Variants in NELL1 observed in about 807,000 individuals in gnomAD.
The protein encoded by NELL1 is neural EGFL like 1.
A neutral mutation model predicts 107.4 loss-of-function variants in NELL1; 76 were observed. That is an observed-to-expected ratio of 0.71 (90% CI 0.59 to 0.86). NELL1 has a LOEUF of 0.86. Among genes scored for constraint, NELL1 ranks in the 40% least tolerant of loss-of-function variants. The pLI is 0.00. For synonymous variants in NELL1, 353 were observed against 341.2 expected, an observed-to-expected ratio of 1.03 and a Z score of -0.38; for missense variants, 1,024 against 1,005.5, an observed-to-expected ratio of 1.02 and a Z score of -0.25.
intron 14 of NELL1, among the ~76,000 whole-genome samples, chr11:21,279,082 A>C (rs1015655404): frequency 1.3e-5 from 2 of 152,208 alleles, no homozygotes; most frequent in East Asian, 3.8e-4. Context: ...ATGCCAAAAT[A>C]AATTGATAAA....
intron 13 of NELL1, among the ~76,000 whole-genome samples, chr11:21,212,338 T>C (rs1039156224): frequency 3.9e-5 from 6 of 152,184 alleles, no homozygotes; most frequent in South Asian, 2.1e-4. Flanking sequence ...AAAATTCAAA[T>C]TATTATTGCT....
At chr11:21,066,228 G>C (rs1292498429) in intron 12 of NELL1, among the ~76,000 whole-genome samples, 1 of 152,066 alleles carries the variant, frequency 6.6e-6, no homozygotes, top group Non-Finnish European at 1.5e-5. Context: ...GTGTCTCCCT[G>C]TTCTCTTAGT....
chr11:21,022,523 G>C (rs955929098), intron 12 of NELL1, among the ~76,000 whole-genome samples: 2 of 152,092 alleles, frequency 1.3e-5, no homozygotes, highest in African/African-American at 4.8e-5. Flanking sequence ...TGCATCAGTT[G>C]CTTTAATTTT....
chr11:21,095,158 A>AG (rs1276554766), intron 12 of NELL1, among the ~76,000 whole-genome samples: 2 of 152,210 alleles, frequency 1.3e-5, no homozygotes, highest in East Asian at 3.8e-4. Flanking sequence ...TCTCTAGGGC[A>AG]GGGGCAAAAT....
intron 13 of NELL1, among the ~76,000 whole-genome samples, chr11:21,199,795 C>CCA (rs35219787): frequency 6.8e-6 from 1 of 147,668 alleles, no homozygotes; most frequent in Non-Finnish European, 1.5e-5. Context: ...TATCCCTCCC[C>CCA]AGCCCCCCAC....
chr11:21,516,740 T>TAC (rs113449367), intron 15 of NELL1, among the ~76,000 whole-genome samples: 5,894 of 141,920 alleles, frequency 0.042, 288 homozygotes, highest in African/African-American at 0.13. Flanking sequence ...CACACACACA[T>TAC]ACACACACAC....
intron 16 of NELL1, among the ~76,000 whole-genome samples, chr11:21,558,578 G>A (rs1448576159): frequency 6.6e-6 from 1 of 152,060 alleles, no homozygotes; most frequent in South Asian, 2.1e-4. Context: ...TGAAAAGGGA[G>A]GGGACAAGAG....
chr11:20,699,226 C>A (rs1222661837), intron 2 of NELL1, among the ~76,000 whole-genome samples: 6 of 151,370 alleles, frequency 4.0e-5, no homozygotes, highest in African/African-American at 9.7e-5. Flanking sequence ...CAAAAACAAA[C>A]AAAAAAAACA....
intron 14 of NELL1, among the ~76,000 whole-genome samples, chr11:21,360,577 G>T (rs770071197): frequency 6.0e-4 from 92 of 152,204 alleles, no homozygotes; most frequent in African/African-American, 2.0e-3. Context: ...GTCTAGTGCT[G>T]TTAGTGGGGT....
chr11:21,479,151 T>C (rs1854425634), intron 15 of NELL1, among the ~76,000 whole-genome samples: 1 of 152,024 alleles, frequency 6.6e-6, no homozygotes, highest in East Asian at 1.9e-4. Flanking sequence ...AAAGTAAAAA[T>C]TGAGCTACCA....
At chr11:20,819,949 C>T (rs1857713734) in intron 3 of NELL1, among the ~76,000 whole-genome samples, 1 of 152,164 alleles carries the variant, frequency 6.6e-6, no homozygotes, top group Non-Finnish European at 1.5e-5. Context: ...ATTCCTTGAG[C>T]TCCTTTCAGG....
chr11:20,997,689 T>G (rs1014596450), intron 12 of NELL1, among the ~76,000 whole-genome samples: 1 of 152,220 alleles, frequency 6.6e-6, no homozygotes, highest in African/African-American at 2.4e-5. Context: ...GAAAGTTTAT[T>G]TAAAATAAAT....
At chr11:21,089,524 C>T (rs535846841) in intron 12 of NELL1, among the ~76,000 whole-genome samples, 31 of 152,176 alleles carry the variant, frequency 2.0e-4, no homozygotes, top group South Asian at 8.3e-4. Flanking sequence ...CATATTTGTA[C>T]GGCTAACTAT....
intron 15 of NELL1, among the ~76,000 whole-genome samples, chr11:21,499,951 C>A (rs145145524): frequency 6.6e-6 from 1 of 152,172 alleles, no homozygotes; most frequent in East Asian, 1.9e-4. Context: ...CTTCTAGGAC[C>A]TGTGAAGTTG....
At chr11:21,194,269 C>T (rs988913906) in intron 13 of NELL1, among the ~76,000 whole-genome samples, 1 of 152,022 alleles carries the variant, frequency 6.6e-6, no homozygotes, top group African/African-American at 2.4e-5. Flanking sequence ...CTAACACAGC[C>T]CTAAAGTTGG....
At chr11:21,095,069 C>T (rs978980856) in intron 12 of NELL1, among the ~76,000 whole-genome samples, 2 of 152,196 alleles carry the variant, frequency 1.3e-5, no homozygotes, top group Non-Finnish European at 2.9e-5. Context: ...GCCAAGTCAC[C>T]TCTTGAATGC....
At chr11:20,814,409 C>T (rs1857577543) in intron 3 of NELL1, among the ~76,000 whole-genome samples, 1 of 152,224 alleles carries the variant, frequency 6.6e-6, no homozygotes, top group Non-Finnish European at 1.5e-5. Context: ...AGGTGCTGAG[C>T]ACAGTACCTA....
At chr11:20,818,750 T>G (rs1278368865) in intron 3 of NELL1, among the ~76,000 whole-genome samples, 1 of 152,196 alleles carries the variant, frequency 6.6e-6, no homozygotes, top group Non-Finnish European at 1.5e-5. Context: ...CCACTGGGCA[T>G]GTAAGCCGCC....
At position 20,994,177 on chromosome 11, in the gene NELL1, TGCCAGGTTTGAAA is replaced by T. The variant is rs370487172; in HGVS notation, c.1300+33618_1300+33630del. ...AAGCCATTATTAGTTAGGATTTGAA[TGCCAGGTTTGAAA>T]ACACATACACCTATTTCCTCCCCAT... is the stretch of plus-strand genomic sequence containing the variant. On this transcript the variant is annotated intron_variant, in intron 12 of 19. Coordinates refer to ENST00000357134, the MANE Select transcript of NELL1 (RefSeq NM_006157.5). Among the ~76,000 whole-genome samples the T allele has an allele frequency of 4.6e-3, 701 of 152,320 alleles. 5 individuals carry two copies. Among genetic ancestry groups the T allele is most frequent in the African/African-American group, 0.016 (652 of 41,570 alleles).
Sources: allele counts gnomAD v4.1 joint callset (sites outside exome capture counted in the v4.1 genomes callset), GRCh38; gene constraint gnomAD v4.1.1; transcripts MANE v1.5; gene names NCBI Gene and HGNC (gene_info 2026-07-23, HGNC 2026-07-21).